Variants in NCALD observed in about 807,000 individuals in gnomAD.
NCALD encodes neurocalcin-delta.
A neutral mutation model predicts 18.6 loss-of-function variants in NCALD; 10 were observed. That is an observed-to-expected ratio of 0.54 (90% CI 0.33 to 0.91). The LOEUF is 0.91. Among genes scored for constraint, NCALD ranks in the 40% least tolerant of loss-of-function variants. NCALD has a pLI of 0.03. For missense variants in NCALD, 184 were observed against 247.6 expected (o/e 0.74, Z 1.72); for synonymous variants, 88 against 87.4 (o/e 1.01, Z -0.04).
chr8:101,794,385 G>A (rs1812558105), upstream of NCALD, among the ~76,000 whole-genome samples: 1 of 151,832 alleles, frequency 6.6e-6, no homozygotes, highest in African/African-American at 2.4e-5. Context: ...CTACTAATAG[G>A]GAAGAGAGCC....
chr8:102,067,071 T>C (rs185846910), intron 1 of NCALD, among the ~76,000 whole-genome samples: 4 of 152,210 alleles, frequency 2.6e-5, no homozygotes, highest in African/African-American at 4.8e-5. Context: ...TCTTTCAGAT[T>C]CTAAAAATGG....
chr8:101,986,511 A>G (rs962819635), intron 2 of NCALD: 2 of 152,208 alleles, frequency 1.3e-5, no homozygotes, highest in Admixed American at 6.5e-5. Context: ...CCTGATCTCA[A>G]TTTTAAAAAG....
intron 1 of NCALD, among the ~76,000 whole-genome samples, chr8:102,088,796 A>G (rs370619559): frequency 1.6e-4 from 25 of 152,212 alleles, no homozygotes; most frequent in Admixed American, 4.6e-4. Flanking sequence ...AAATAGATAG[A>G]TCTCTCTCAA....
At chr8:101,752,469 A>G (rs1810699275) in intron 1 of NCALD, among the ~76,000 whole-genome samples, 1 of 152,232 alleles carries the variant, frequency 6.6e-6, no homozygotes, top group Non-Finnish European at 1.5e-5. Context: ...AGTGGCCTGA[A>G]GTAACCACAA....
intron 1 of NCALD, among the ~76,000 whole-genome samples, chr8:101,780,830 AGT>A (rs1350840261): frequency 1.3e-5 from 2 of 152,214 alleles, no homozygotes; most frequent in East Asian, 1.9e-4. Flanking sequence ...TTTCAAAATC[AGT>A]GTCTTTTAGT....
rs111438024 is a variant in NCALD, at chr8:101,982,820, G to A, written c.-157+37417C>T. ...CACACCACTGCACTCCAGCCTGGGC[G>A]ACAGAGCGAGACCCCATCTCAAAAA... On this transcript the variant is annotated intron_variant, in intron 2 of 6. Coordinates refer to the NCALD transcript ENST00000311028. Among the ~76,000 whole-genome samples the A allele has an allele frequency of 9.3e-4, 137 of 147,020 alleles. 1 individual carries two copies. The highest frequency in any genetic ancestry group is 2.9e-3 in the African/African-American group (114 of 38,940).
chr8:101,803,044 C>A (rs1812929899), intron 4 of NCALD, among the ~76,000 whole-genome samples: 1 of 152,112 alleles, frequency 6.6e-6, no homozygotes. Flanking sequence ...GAAATCGCCT[C>A]TGATTGGAAG....
intron 4 of NCALD, among the ~76,000 whole-genome samples, chr8:101,831,042 GT>G (rs745885607): frequency 6.6e-6 from 1 of 152,126 alleles, no homozygotes; most frequent in Non-Finnish European, 1.5e-5. Flanking sequence ...TGGCTTGAGT[GT>G]ACATGATGTG....
At chr8:101,979,215 T>G (rs1314415729) in intron 2 of NCALD, among the ~76,000 whole-genome samples, 2 of 152,162 alleles carry the variant, frequency 1.3e-5, no homozygotes, top group African/African-American at 4.8e-5. Context: ...CAGGAGGGCA[T>G]CTTTCAGGTA....
Position 101,768,723 on chromosome 8 carries a change from CA to C in NCALD, c.-20+22138del, listed in dbSNP as rs71268528. Among the ~76,000 whole-genome samples the C allele has an allele frequency of 1.4e-3, 190 of 136,846 alleles. 1 individual carries two copies. The highest frequency in any genetic ancestry group is 3.9e-3 in the African/African-American group (141 of 36,238). The allele number at this position is 136,846 out of a possible 152,430, so 89.8% of individuals were successfully genotyped here. The stretch of plus-strand genomic sequence containing the variant: ...GACTCCATCTCAAAAAACAAAAAAA[CA>C]AAAAAAAAAAAAGAAAGAAAGCAAG... On this transcript the variant is annotated intron_variant, in intron 1 of 3. Transcript: ENST00000220931.
chr8:101,822,325 C>T (rs1250680719), intron 4 of NCALD, among the ~76,000 whole-genome samples: 4 of 152,154 alleles, frequency 2.6e-5, no homozygotes, highest in Non-Finnish European at 5.9e-5. Context: ...GGACATGTCA[C>T]ACATTGCCAT....
intron 4 of NCALD, among the ~76,000 whole-genome samples, chr8:101,819,205 T>C (rs1332678274): frequency 1.3e-5 from 2 of 151,964 alleles, no homozygotes; most frequent in Non-Finnish European, 2.9e-5. Context: ...AATATACCAT[T>C]TTCCCACAGG....
At chr8:102,083,301 C>G (rs1421645457) in intron 1 of NCALD, among the ~76,000 whole-genome samples, 1 of 152,214 alleles carries the variant, frequency 6.6e-6, no homozygotes. Context: ...TTCAAACCAG[C>G]TCGGCATGAT....
chr8:101,969,918 T>C (rs955934788), intron 2 of NCALD, among the ~76,000 whole-genome samples: 1 of 151,348 alleles, frequency 6.6e-6, no homozygotes, highest in African/African-American at 2.5e-5. Context: ...TAGAAATAAA[T>C]CTAAGTGTGT....
chr8:101,969,625 G>A (rs1820162246), intron 2 of NCALD, among the ~76,000 whole-genome samples: 4 of 148,474 alleles, frequency 2.7e-5, no homozygotes, highest in Admixed American at 2.7e-4. Flanking sequence ...GGTGGCTTCT[G>A]CCTGGCAAAA....
intron 3 of NCALD, among the ~76,000 whole-genome samples, chr8:101,909,046 T>A (rs180699846): frequency 8.0e-4 from 122 of 152,288 alleles, no homozygotes; most frequent in African/African-American, 2.8e-3. Context: ...CTGTTTTAAC[T>A]CTATAAGGAA....
At chr8:101,993,174 C>T (rs1367675142) in intron 2 of NCALD, among the ~76,000 whole-genome samples, 1 of 150,912 alleles carries the variant, frequency 6.6e-6, no homozygotes, top group African/African-American at 2.4e-5. Context: ...TGGTAACAAA[C>T]CATTCCTTCT....
At chr8:101,870,983 G>A (rs545738290) in intron 4 of NCALD, among the ~76,000 whole-genome samples, 1 of 138,192 alleles carries the variant, frequency 7.2e-6, no homozygotes, top group East Asian at 2.2e-4. Context: ...TGTAATTTTA[G>A]ATGAATGTTC....
intron 2 of NCALD, among the ~76,000 whole-genome samples, chr8:101,935,446 C>G (rs1818725709): frequency 1.3e-5 from 2 of 152,128 alleles, no homozygotes; most frequent in South Asian, 4.1e-4. Flanking sequence ...TTTGATGGCT[C>G]TATCCTATAA....
Sources: gnomAD v4.1 joint callset for allele counts (sites outside exome capture counted in the v4.1 genomes callset) on GRCh38, gnomAD v4.1.1 for gene constraint, MANE v1.5 for transcripts, NCBI Gene and HGNC (gene_info 2026-07-23, HGNC 2026-07-21) for gene names.